Variants in DPP10 observed in about 807,000 individuals in gnomAD.
DPP10 encodes inactive dipeptidyl peptidase 10.
DPP10 carries 33 observed loss-of-function variants against 120.9 expected under a neutral mutation model. The ratio of observed to expected loss-of-function variants is 0.27; its 90% confidence interval spans 0.21 to 0.37. The LOEUF is 0.37. DPP10 is among the 10% of genes least tolerant of loss of function. The pLI is 1.00. For synonymous variants in DPP10, 337 were observed against 326.1 expected, an observed-to-expected ratio of 1.03 and a Z score of -0.36; for missense variants, 816 against 942.8, an observed-to-expected ratio of 0.87 and a Z score of 1.76.
chr2:115,242,278 T>C (rs114848075), intron 1 of DPP10, among the ~76,000 whole-genome samples: 3,081 of 152,292 alleles, frequency 0.02, 94 homozygotes, highest in African/African-American at 0.068. Context: ...CCTGAATTAC[T>C]TCACTTGGAG....
intron 1 of DPP10, among the ~76,000 whole-genome samples, chr2:115,067,299 T>C (rs924173090): frequency 1.3e-5 from 2 of 151,948 alleles, no homozygotes; most frequent in East Asian, 3.9e-4. Flanking sequence ...TCGCCCAGGC[T>C]GGAGTGCGGT....
At chr2:115,603,053 G>GT (rs1375362203) in intron 5 of DPP10, among the ~76,000 whole-genome samples, 1 of 151,850 alleles carries the variant, frequency 6.6e-6, no homozygotes, top group Admixed American at 6.6e-5. Flanking sequence ...TACCTGACAT[G>GT]TTTAAGGGTC....
intron 1 of DPP10, among the ~76,000 whole-genome samples, chr2:114,798,664 G>A (rs571822358): frequency 3.1e-4 from 47 of 152,258 alleles, no homozygotes; most frequent in Admixed American, 5.9e-4. Context: ...AGTGACAGGG[G>A]TGGGGGCACG....
intron 12 of DPP10, among the ~76,000 whole-genome samples, chr2:115,766,620 G>A (rs544025487): frequency 6.6e-6 from 1 of 151,930 alleles, no homozygotes; most frequent in South Asian, 2.1e-4. Context: ...GTCCATTCTT[G>A]TACTGCTATA....
chr2:115,814,477 G>A (rs1687004172), intron 19 of DPP10, among the ~76,000 whole-genome samples: 2 of 152,106 alleles, frequency 1.3e-5, no homozygotes, highest in Non-Finnish European at 2.9e-5. Context: ...TCATTCTTTA[G>A]AAATGCCTTT....
At chr2:114,669,118 G>A (rs555028327) in intron 1 of DPP10, among the ~76,000 whole-genome samples, 2 of 151,998 alleles carry the variant, frequency 1.3e-5, no homozygotes. Flanking sequence ...CTTTCTTGTT[G>A]TTACAACTGT....
At chr2:114,922,501 G>A (rs747215122) in intron 1 of DPP10, among the ~76,000 whole-genome samples, 46 of 152,064 alleles carry the variant, frequency 3.0e-4, no homozygotes, top group Non-Finnish European at 1.8e-4. Flanking sequence ...TAGTAGAGAT[G>A]GGGTTTCACC....
At chr2:115,367,264 G>A (rs2065135910) in intron 3 of DPP10, among the ~76,000 whole-genome samples, 1 of 151,992 alleles carries the variant, frequency 6.6e-6, no homozygotes, top group African/African-American at 2.4e-5. Context: ...GTGCGTGTGT[G>A]TGTTGTTTTT....
rs146098162 is a variant in DPP10, at chr2:114,754,246, C to T, written c.60+311408C>T. ...GGGCCGAGGCTTAGTACAAGGGACC[C>T]GAGAGACAGGCGGACACACCTGGAT... is the stretch of plus-strand genomic sequence containing the variant. On this transcript the variant is annotated intron_variant, in intron 1 of 25. Transcript: ENST00000410059. Among the ~76,000 whole-genome samples, 105 of 152,178 alleles carry T rather than the reference C, an allele frequency of 6.9e-4. 1 individual carries two copies. Among genetic ancestry groups the T allele is most frequent in the African/African-American group, 2.5e-3 (102 of 41,530 alleles).
chr2:115,587,726 A>G lies in DPP10; in HGVS notation c.441+61754A>G, dbSNP rs374000295. On this transcript the variant is annotated intron_variant, in intron 5 of 25. Transcript: ENST00000410059. ...AATTATTCAGCCATAGAAAAGAATG[A>G]AATCCTGCCACTTGTGACATATTTG... Among the ~76,000 whole-genome samples the G allele has an allele frequency of 1.3e-4, 20 of 152,314 alleles. 1 individual carries two copies. The East Asian group carries it at 3.5e-3, about 26-fold the overall frequency.
chr2:115,813,710 G>C (rs1686916126), intron 19 of DPP10, among the ~76,000 whole-genome samples: 1 of 152,112 alleles, frequency 6.6e-6, no homozygotes, highest in Non-Finnish European at 1.5e-5. Flanking sequence ...AGTTTCATTT[G>C]TTGCTGAAAG....
At chr2:114,555,388 T>C (rs1004656807) in intron 1 of DPP10, among the ~76,000 whole-genome samples, 1 of 152,156 alleles carries the variant, frequency 6.6e-6, no homozygotes, top group African/African-American at 2.4e-5. Context: ...TCTTATATTG[T>C]AGTGGGGAAG....
intron 1 of DPP10, among the ~76,000 whole-genome samples, chr2:115,220,851 TATC>T (rs2057112248): frequency 6.6e-6 from 1 of 151,566 alleles, no homozygotes; most frequent in African/African-American, 2.4e-5. Flanking sequence ...TACTTTTAAT[TATC>T]ATATACCTTT....
At chr2:114,593,682 C>T (rs555451137) in intron 1 of DPP10, among the ~76,000 whole-genome samples, 44 of 152,104 alleles carry the variant, frequency 2.9e-4, no homozygotes, top group African/African-American at 9.2e-4. Flanking sequence ...GGTTCACATC[C>T]ATTGTCTTTT....
At chr2:115,326,060 T>G (rs1461717373) in intron 2 of DPP10, among the ~76,000 whole-genome samples, 6 of 152,170 alleles carry the variant, frequency 3.9e-5, no homozygotes, top group Admixed American at 3.9e-4. Flanking sequence ...CATTGGTCCA[T>G]CTTACATGTT....
chr2:114,461,210 T>C (rs977133392), intron 1 of DPP10, among the ~76,000 whole-genome samples: 2 of 152,188 alleles, frequency 1.3e-5, no homozygotes, highest in Non-Finnish European at 2.9e-5. Flanking sequence ...TTCCATATGA[T>C]TTTCAGCAGG....
intron 1 of DPP10, among the ~76,000 whole-genome samples, chr2:114,875,438 A>C (rs952206276): frequency 6.6e-6 from 1 of 152,144 alleles, no homozygotes; most frequent in African/African-American, 2.4e-5. Flanking sequence ...ACTAAAACCA[A>C]TATCTTCATT....
At chr2:115,487,163 A>G (rs1391389294) in intron 3 of DPP10, among the ~76,000 whole-genome samples, 7 of 150,174 alleles carry the variant, frequency 4.7e-5, no homozygotes, top group South Asian at 2.1e-4. Flanking sequence ...TAGGAATCCA[A>G]CTTACAAGGG....
intron 1 of DPP10, among the ~76,000 whole-genome samples, chr2:114,940,343 T>A (rs1421876859): frequency 9.9e-5 from 15 of 152,122 alleles, no homozygotes; most frequent in Admixed American, 9.8e-4. Context: ...ATTGCTACAG[T>A]AATCAGTTAG....
Sources: gnomAD v4.1 joint callset for allele counts (sites outside exome capture counted in the v4.1 genomes callset) on GRCh38, gnomAD v4.1.1 for gene constraint, MANE v1.5 for transcripts, NCBI Gene and HGNC (gene_info 2026-07-23, HGNC 2026-07-21) for gene names.